The following TSPEAR variants were observed in gnomAD, a reference collection of about 807,000 sequenced individuals.
The protein encoded by TSPEAR is thrombospondin-type laminin G domain and EAR repeat-containing protein.
A neutral mutation model predicts 71.6 loss-of-function variants in TSPEAR; 69 were observed. The observed-to-expected ratio is 0.96, with a 90% CI of 0.79 to 1.18. The LOEUF (loss-of-function observed/expected upper bound fraction) is 1.18. Ranked by LOEUF, TSPEAR falls within the 50% of genes most tolerant of loss-of-function variation. The pLI is 0.00. For synonymous variants in TSPEAR, 402 were observed against 387.2 expected, an observed-to-expected ratio of 1.04 and a Z score of -0.45; for missense variants, 971 against 894.9, an observed-to-expected ratio of 1.09 and a Z score of -1.09.
intron 1 of TSPEAR, among the ~76,000 whole-genome samples, chr21:44,694,351 T>C (rs1555950133): frequency 6.6e-6 from 1 of 152,174 alleles, no homozygotes; most frequent in African/African-American, 2.4e-5. Flanking sequence ...ACATGAAGTA[T>C]CTAGAACAGG....
intron 1 of TSPEAR, among the ~76,000 whole-genome samples, chr21:44,636,150 G>T (rs1983551375): frequency 6.6e-6 from 1 of 152,214 alleles, no homozygotes; most frequent in African/African-American, 2.4e-5. Flanking sequence ...TGTACCCAAT[G>T]ATTCCTTCAG....
chr21:44,705,976 A>G (rs1233674084), intron 1 of TSPEAR, among the ~76,000 whole-genome samples: 4 of 152,216 alleles, frequency 2.6e-5, no homozygotes, highest in East Asian at 3.9e-4. Flanking sequence ...TCTCCCCCGG[A>G]CGCCCAGCTT....
intron 1 of TSPEAR, among the ~76,000 whole-genome samples, chr21:44,573,024 C>G (rs970229865): frequency 6.6e-6 from 1 of 152,068 alleles, no homozygotes; most frequent in Non-Finnish European, 1.5e-5. Flanking sequence ...GGAACCCATG[C>G]TGTCCACTGT....
intron 2 of TSPEAR, chr21:44,558,830 C>G: frequency 7.4e-7 from 1 of 1,354,068 alleles, no homozygotes; most frequent in Non-Finnish European, 1.0e-6. Context: ...CCTTTATACC[C>G]CTCTGTGTTG....
chr21:44,613,645 CTG>C (rs1981872906), intron 1 of TSPEAR, among the ~76,000 whole-genome samples: 2 of 152,164 alleles, frequency 1.3e-5, no homozygotes, highest in Non-Finnish European at 2.9e-5. Context: ...GCTGCTGCAC[CTG>C]CGCAGGAGAC....
intron 1 of TSPEAR, chr21:44,591,763 G>GGCACACA (rs782000918): frequency 6.2e-7 from 1 of 1,603,790 alleles, no homozygotes; most frequent in East Asian, 2.3e-5. Context: ...AGAGCAGGTG[G>GGCACACA]GCACACAGCA....
At chr21:44,590,111 G>A (rs114975594) in intron 1 of TSPEAR, among the ~76,000 whole-genome samples, 4,665 of 152,328 alleles carry the variant, frequency 0.031, 250 homozygotes, top group African/African-American at 0.11. Flanking sequence ...CTGACCACAG[G>A]GAGCTCCATG....
intron 1 of TSPEAR, among the ~76,000 whole-genome samples, chr21:44,658,952 G>A (rs1985332744): frequency 6.6e-6 from 1 of 152,136 alleles, no homozygotes; most frequent in African/African-American, 2.4e-5. Flanking sequence ...AAGGATTACT[G>A]TGGCAAAGAG....
intron 1 of TSPEAR, among the ~76,000 whole-genome samples, chr21:44,617,673 C>T (rs897328660): frequency 6.6e-6 from 1 of 152,236 alleles, no homozygotes; most frequent in Admixed American, 6.5e-5. Flanking sequence ...TGGGGGCACA[C>T]GTTATTCTTT....
At chr21:44,500,013 T>C (rs2051998538) in intron 11 of TSPEAR, 77 bp from the exon 12 acceptor site, 5 of 1,441,804 alleles carry the variant, frequency 3.5e-6, no homozygotes, top group Non-Finnish European at 9.2e-7. Context: ...CCACCCGCGC[T>C]GTCAGGGACC....
chr21:44,511,814 C>A (rs1380606257), intron 9 of TSPEAR, among the ~76,000 whole-genome samples: 1 of 152,248 alleles, frequency 6.6e-6, no homozygotes, highest in Non-Finnish European at 1.5e-5. Flanking sequence ...GGAGTGCCCG[C>A]CCTGTAGCAG....
At chr21:44,555,727 G>C (rs2053517336) in intron 2 of TSPEAR, among the ~76,000 whole-genome samples, 2 of 152,082 alleles carry the variant, frequency 1.3e-5, no homozygotes, top group Admixed American at 6.5e-5. Context: ...TGGGGCTCAG[G>C]GCAAGGCAGC....
At chr21:44,509,082 G>A in intron 10 of TSPEAR, 117 bp downstream of exon 10, 1 of 1,377,918 alleles carries the variant, frequency 7.3e-7, no homozygotes, top group Non-Finnish European at 9.9e-7. Flanking sequence ...TCCACAGGAA[G>A]GTCCCCAGGC....
chr21:44,629,757 C>A (rs1038323463), intron 1 of TSPEAR, among the ~76,000 whole-genome samples: 1 of 152,240 alleles, frequency 6.6e-6, no homozygotes, highest in Non-Finnish European at 1.5e-5. Flanking sequence ...CTGAACAACG[C>A]TGTCCAGAGG....
In TSPEAR at chr21:44,655,270, C is replaced by A. The variant is rs375780723; in HGVS notation, c.82+56163G>T. On this transcript the variant is annotated intron_variant, in intron 1 of 11. Transcript: ENST00000323084. ...CACTGCAGAGGTGCAGGGATCTGGACTGCTTAGTTTCACTCTGGGATCCAT... is the reference window on the plus strand; with the variant it reads ...CACTGCAGAGGTGCAGGGATCTGGAATGCTTAGTTTCACTCTGGGATCCAT... 2.9e-4 allele frequency among the ~76,000 whole-genome samples: 44 copies of A among 152,276 alleles called. 1 individual carries two copies. The South Asian group carries it at 7.7e-3, about 27-fold the overall frequency.
intron 2 of TSPEAR, among the ~76,000 whole-genome samples, chr21:44,560,851 A>G: frequency 6.6e-6 from 1 of 152,232 alleles, no homozygotes; most frequent in East Asian, 1.9e-4. Flanking sequence ...AGGGAAATTT[A>G]TAGCACTAAA....
At chr21:44,677,973 G>T in intron 1 of TSPEAR, 1 of 1,159,446 alleles carries the variant, frequency 8.6e-7, no homozygotes, top group Non-Finnish European at 1.3e-6. Flanking sequence ...CAACCACAGA[G>T]CTGCCTGAAG....
At chr21:44,550,861 G>T (rs2053407533) in intron 2 of TSPEAR, 7 of 1,535,550 alleles carry the variant, frequency 4.6e-6, no homozygotes, top group Non-Finnish European at 6.2e-6. Flanking sequence ...GAGCAAACAG[G>T]TACACAGCAG....
chr21:44,539,832 G>T lies in TSPEAR; in HGVS notation c.304-5909C>A. On this transcript the variant is annotated intron_variant, in intron 2 of 11. Transcript: ENST00000323084. ...GAGCAGGTGGGCAGGCAGCACACAG[G>T]CTTGCAGCAGACGGGCACGCAGCAG... is the stretch of plus-strand genomic sequence containing the variant. The T allele has an allele frequency of 1.3e-6, 2 of 1,578,072 alleles. No individual in the cohort carries two copies. Among genetic ancestry groups the T allele is most frequent in the Middle Eastern group, 1.7e-4 (1 of 5,946 alleles).
Sources: allele counts gnomAD v4.1 joint callset (sites outside exome capture counted in the v4.1 genomes callset), GRCh38; gene constraint gnomAD v4.1.1; transcripts MANE v1.5; gene names NCBI Gene and HGNC (gene_info 2026-07-23, HGNC 2026-07-21).